The following PDE11A variants were observed in gnomAD, a reference collection of about 807,000 sequenced individuals.
PDE11A encodes the protein dual 3',5'-cyclic-AMP and -GMP phosphodiesterase 11A.
PDE11A carries 100 observed loss-of-function variants against 100.5 expected under a neutral mutation model. The observed-to-expected ratio is 1.00, with a 90% CI of 0.85 to 1.18. The LOEUF is 1.18. PDE11A is among the 50% of genes most tolerant of loss of function. The pLI, the probability that PDE11A is intolerant of heterozygous loss-of-function variation, is 0.00. For missense variants in PDE11A, 1,141 were observed against 1,152.6 expected, an observed-to-expected ratio of 0.99 and a Z score of 0.15; for synonymous variants, 381 against 420.8, an observed-to-expected ratio of 0.91 and a Z score of 1.16.
intron 9 of PDE11A, among the ~76,000 whole-genome samples, chr2:177,773,334 G>A (rs1179131545): frequency 4.6e-5 from 7 of 152,036 alleles, no homozygotes; most frequent in African/African-American, 1.4e-4. Context: ...TTTTTTTACT[G>A]CCCCCGAGTT....
intron 1 of PDE11A, among the ~76,000 whole-genome samples, chr2:178,065,597 AC>A (rs890760877): frequency 1.3e-5 from 2 of 152,170 alleles, no homozygotes; most frequent in African/African-American, 4.8e-5. Context: ...TACTTCAAAC[AC>A]AAAATCAACT....
At chr2:177,855,272 A>G (rs973475987) in intron 5 of PDE11A, among the ~76,000 whole-genome samples, 1 of 152,102 alleles carries the variant, frequency 6.6e-6, no homozygotes, top group Non-Finnish European at 1.5e-5. Context: ...ATAGAGAAAT[A>G]AAAGAAAAAG....
rs1307804752 is a variant in PDE11A, at chr2:178,072,478, A to C, written c.-41T>G. The stretch of plus-strand genomic sequence containing the variant: ...TCCTTGCCTGTTTACACGTGAACCA[A>C]ATGTTTTCCTGCCCCGAGGCCTCTA... On this transcript the variant is annotated 5_prime_UTR_variant, in exon 1 of 20. The change creates a new upstream start codon in the 5' untranslated region. Coordinates refer to ENST00000286063, the MANE Select transcript of PDE11A (RefSeq NM_016953.4). 6.2e-7 allele frequency: 1 copy of C among 1,611,160 alleles called. No individual in the cohort carries two copies. Among genetic ancestry groups the C allele is most frequent in the South Asian group, 1.1e-5 (1 of 90,992 alleles).
At chr2:178,032,746 C>G (rs960967579) in intron 1 of PDE11A, among the ~76,000 whole-genome samples, 1 of 152,150 alleles carries the variant, frequency 6.6e-6, no homozygotes, top group Non-Finnish European at 1.5e-5. Context: ...ACTGATGATA[C>G]CCAGGCGAAC....
intron 2 of PDE11A, chr2:177,998,676 A>G: frequency 8.3e-7 from 1 of 1,202,744 alleles, no homozygotes; most frequent in Non-Finnish European, 1.2e-6. Context: ...CACACCATCC[A>G]GTATCACTTG....
chr2:177,786,857 G>T (rs1197456070), intron 9 of PDE11A, among the ~76,000 whole-genome samples: 2 of 151,892 alleles, frequency 1.3e-5, no homozygotes, highest in Non-Finnish European at 2.9e-5. Context: ...AAAAAGAAAC[G>T]AACAAAGCCT....
intron 19 of PDE11A, among the ~76,000 whole-genome samples, chr2:177,631,553 GTATA>G (rs1326867287): frequency 2.5e-4 from 5 of 19,690 alleles, no homozygotes; most frequent in African/African-American, 7.2e-4. Flanking sequence ...ATATACACAT[GTATA>G]TATATATATA....
At chr2:177,676,935 G>C in intron 16 of PDE11A, among the ~76,000 whole-genome samples, 1 of 152,158 alleles carries the variant, frequency 6.6e-6, no homozygotes, top group East Asian at 1.9e-4. Context: ...AAATGATTCA[G>C]GATTCTGTGC....
intron 2 of PDE11A, among the ~76,000 whole-genome samples, chr2:178,103,442 G>C (rs922262025): frequency 4.0e-5 from 6 of 151,812 alleles, no homozygotes; most frequent in African/African-American, 7.3e-5. Context: ...GGGAAAGGCG[G>C]TGATTTTACA....
intron 2 of PDE11A, among the ~76,000 whole-genome samples, chr2:177,939,042 C>T (rs569457021): frequency 6.4e-4 from 98 of 152,276 alleles, no homozygotes; most frequent in Non-Finnish European, 1.1e-3. Context: ...CCTCTAGAAC[C>T]GTGAGGAAAT....
chr2:177,658,933 T>C (rs995903794), intron 19 of PDE11A, among the ~76,000 whole-genome samples: 2 of 152,066 alleles, frequency 1.3e-5, no homozygotes, highest in South Asian at 2.1e-4. Context: ...TATTGCATCA[T>C]GTGGAATGTA....
intron 2 of PDE11A, among the ~76,000 whole-genome samples, chr2:178,084,652 G>A (rs189973482): frequency 2.6e-4 from 40 of 152,202 alleles, no homozygotes; most frequent in South Asian, 4.1e-4. Flanking sequence ...CGGGTTAACA[G>A]GTAAGTCAAA....
At chr2:177,760,067 T>C (rs1574113938) in intron 10 of PDE11A, among the ~76,000 whole-genome samples, 1 of 152,178 alleles carries the variant, frequency 6.6e-6, no homozygotes, top group African/African-American at 2.4e-5. Flanking sequence ...AACAGCATTG[T>C]CTTCAGGAAC....
At chr2:177,769,022 G>C (rs886882232) in intron 10 of PDE11A, among the ~76,000 whole-genome samples, 1 of 152,178 alleles carries the variant, frequency 6.6e-6, no homozygotes, top group Admixed American at 6.5e-5. Flanking sequence ...AGGTAAAACT[G>C]ATGCCAAAAC....
At chr2:177,945,826 TGGGGGGGTCA>T (rs2085413098) in intron 2 of PDE11A, among the ~76,000 whole-genome samples, 1 of 74,982 alleles carries the variant, frequency 1.3e-5, no homozygotes, top group South Asian at 4.8e-4. Flanking sequence ...GGGAGGGAGG[TGGGGGGGTCA>T]GCCCCCCGCC....
chr2:177,705,542 G>C (rs918538433), intron 13 of PDE11A, among the ~76,000 whole-genome samples: 9 of 152,158 alleles, frequency 5.9e-5, no homozygotes, highest in African/African-American at 1.9e-4. Context: ...TTATTAAAAA[G>C]AAAAGTCAAG....
Position 177,895,710 on chromosome 2 carries a change from T to C in PDE11A, c.1302+2348A>G, listed in dbSNP as rs923170047. On this transcript the variant is annotated intron_variant, in intron 4 of 19. Transcript: ENST00000286063. ...ATTTCTAGAATTTAAAAAGTTGAAC[T>C]CATAGAAGAAAAAAGTAGAATGGTA... Among the ~76,000 whole-genome samples the C allele has an allele frequency of 9.9e-5, 15 of 152,244 alleles. No individual in the cohort carries two copies. The East Asian group carries it at 2.9e-3, about 29-fold the overall frequency.
intron 5 of PDE11A, among the ~76,000 whole-genome samples, chr2:177,866,954 G>A (rs1424923288): frequency 1.3e-5 from 2 of 152,296 alleles, no homozygotes; most frequent in Non-Finnish European, 2.9e-5. Flanking sequence ...TGTAAATCAT[G>A]AAATCAGTTT....
intron 2 of PDE11A, among the ~76,000 whole-genome samples, chr2:177,910,421 T>C (rs2084860796): frequency 1.2e-5 from 1 of 86,286 alleles, no homozygotes; most frequent in Non-Finnish European, 2.3e-5. Flanking sequence ...TGTCTCTCTC[T>C]CTCTCTCTAT....
Sources: gnomAD v4.1 joint callset for allele counts (sites outside exome capture counted in the v4.1 genomes callset) on GRCh38, gnomAD v4.1.1 for gene constraint, MANE v1.5 for transcripts, NCBI Gene and HGNC (gene_info 2026-07-23, HGNC 2026-07-21) for gene names.